TRAF3IP1: variants seen among roughly 807,000 people sequenced by gnomAD.
TRAF3IP1 encodes the protein TRAF3-interacting protein 1.
In TRAF3IP1, 53 loss-of-function variants were observed where a neutral mutation model predicts 89.9. The ratio of observed to expected loss-of-function variants is 0.59; its 90% CI spans 0.47 to 0.74. The LOEUF (loss-of-function observed/expected upper bound fraction) is 0.74. TRAF3IP1 is among the 30% of genes least tolerant of loss of function. The probability of loss-of-function intolerance (pLI) is 0.00; values close to 1 mark genes in which losing one functional copy is unlikely to be tolerated. For synonymous variants in TRAF3IP1, 311 were observed against 322.1 expected (o/e 0.97, Z 0.37); for missense variants, 806 against 866.1 (o/e 0.93, Z 0.87).
chr2:238,360,854 T>G (rs932129204), intron 15 of TRAF3IP1, among the ~76,000 whole-genome samples: 4 of 151,840 alleles, frequency 2.6e-5, no homozygotes, highest in Non-Finnish European at 5.9e-5. Context: ...CACTCCAGCC[T>G]GGGGGACAAA....
intron 7 of TRAF3IP1, among the ~76,000 whole-genome samples, chr2:238,335,710 T>C (rs1574904767): frequency 6.6e-6 from 1 of 152,088 alleles, no homozygotes; most frequent in Non-Finnish European, 1.5e-5. Context: ...ACACGTTGCG[T>C]GTACTTGGTT....
chr2:238,394,757 A>G (rs1416392487), intron 15 of TRAF3IP1, among the ~76,000 whole-genome samples: 1 of 152,224 alleles, frequency 6.6e-6, no homozygotes, highest in Non-Finnish European at 1.5e-5. Context: ...GTACTTGTCC[A>G]AGCCAGTAAA....
At chr2:238,366,041 C>T (rs569496537) in intron 15 of TRAF3IP1, among the ~76,000 whole-genome samples, 3 of 152,202 alleles carry the variant, frequency 2.0e-5, no homozygotes, top group Non-Finnish European at 2.9e-5. Flanking sequence ...GTCAGGAGAT[C>T]GAGACCATCC....
rs1412580958 is a variant in TRAF3IP1 at position 238,340,003 on chromosome 2, C to T, written c.1159+1546C>T. ...TTGGGATGGAGCCTGATGCCACCTG[C>T]TGGGGAGCAGAGTCTCCCGCTGTCC... On this transcript the variant is annotated intron_variant, in intron 8 of 16. Transcript: ENST00000373327. Among the ~76,000 whole-genome samples the T allele has an allele frequency of 2.3e-5, 3 of 130,742 alleles. No homozygotes were observed. In the East Asian group the frequency reaches 8.0e-4, roughly 35 times the overall value. 85.8% of individuals were successfully genotyped at this position (130,742 alleles called of 152,430 possible).
intron 15 of TRAF3IP1, among the ~76,000 whole-genome samples, chr2:238,372,293 C>T (rs1475059667): frequency 6.6e-6 from 1 of 152,066 alleles, no homozygotes; most frequent in Non-Finnish European, 1.5e-5. Context: ...CCTCTGCCCC[C>T]CGACAGGCCC....
chr2:238,383,495 G>A (rs1016113390), intron 15 of TRAF3IP1, among the ~76,000 whole-genome samples: 1 of 152,218 alleles, frequency 6.6e-6, no homozygotes, highest in Admixed American at 6.5e-5. Flanking sequence ...ATACACCGTG[G>A]CGTTTCCCTA....
rs1701425551 is a variant in TRAF3IP1, at chr2:238,400,702, A to T, written c.*1783A>T. The T allele has an allele frequency of 6.6e-6, 1 of 152,178 alleles. No homozygotes were observed. The highest frequency in any genetic ancestry group is 2.1e-4 in the South Asian group (1 of 4,834). 9.4% of individuals were successfully genotyped at this position (152,178 alleles called of 1,614,324 possible). A position where few individuals can be genotyped will look rare whatever the true frequency, so the allele number is the denominator to read the frequency against. ...TCAAATGACTTAGCCATGACCCTGAATGGACCTTGTTTTACTTCAAGTTGA... is the reference window on the plus strand; with the variant it reads ...TCAAATGACTTAGCCATGACCCTGATTGGACCTTGTTTTACTTCAAGTTGA... On this transcript the variant is annotated 3_prime_UTR_variant, in exon 17 of 17. Coordinates refer to ENST00000373327, the MANE Select transcript of TRAF3IP1 (RefSeq NM_015650.4).
chr2:238,344,564 G>C lies in TRAF3IP1; in HGVS notation c.1227G>C (p.Glu409Asp). ...ATAATTCAGCTAGTCTGCGGTGTGA[G>C]AATATTCAGCCCAACCCCACAGAGA... ...SDDNSASLRC[E>D]NIQPNPTEKQ... The change falls in exon 9 of 17, where the codon GAG becomes GAC. Residue 409 changes from glutamate to aspartate, a missense_variant. Transcript: ENST00000373327. The C allele has an allele frequency of 6.2e-7, 1 of 1,614,202 alleles. No homozygotes were observed. The highest frequency in any genetic ancestry group is 1.6e-4 in the Middle Eastern group (1 of 6,062).
In TRAF3IP1 at chr2:238,351,260, G is replaced by A. The variant is rs1284444026; in HGVS notation, c.1452-1567G>A. Among the ~76,000 whole-genome samples the A allele has an allele frequency of 1.3e-5, 2 of 152,136 alleles. No homozygotes were observed. The highest frequency in any genetic ancestry group is 2.4e-5 in the African/African-American group (1 of 41,394). ...TCTCAATACTTGAAATCACAAGTAA[G>A]ACAGGAGCACCGTTGGTGAGAGTGG... On this transcript the variant is annotated intron_variant, in intron 12 of 16. Transcript: ENST00000373327. The surrounding 1 kb of genome is among the most constrained non-coding windows in gnomAD (Gnocchi z 5.2).
Position 238,334,006 on chromosome 2 carries a change from C to G in TRAF3IP1, c.1034C>G (p.Ser345Ter). ...TCCAAGTCATTGACAACAAAAACATCAAAACGGCGATCCAAAAATTCAGTG... is the reference window on the plus strand; with the variant it reads ...TCCAAGTCATTGACAACAAAAACATGAAAACGGCGATCCAAAAATTCAGTG... ...RASKSLTTKT[S>*]KRRSKNSVEG... The change falls in exon 7 of 17, where the codon TCA becomes TGA. Residue 345 changes from serine to a stop codon, truncating the protein, a stop_gained. Coordinates refer to ENST00000373327, the MANE Select transcript of TRAF3IP1 (RefSeq NM_015650.4). LOFTEE classifies it high-confidence loss of function. 1 of 1,610,766 alleles carries G rather than the reference C, an allele frequency of 6.2e-7. No homozygotes were observed. Among genetic ancestry groups the G allele is most frequent in the Non-Finnish European group, 8.5e-7 (1 of 1,178,402 alleles).
At chr2:238,335,008 C>T (rs369387410) in intron 7 of TRAF3IP1, among the ~76,000 whole-genome samples, 1 of 152,180 alleles carries the variant, frequency 6.6e-6, no homozygotes, top group Non-Finnish European at 1.5e-5. Context: ...GTGTTTTGGG[C>T]GTCTCTGACC....
intron 15 of TRAF3IP1, among the ~76,000 whole-genome samples, chr2:238,373,765 G>A (rs1394931031): frequency 1.3e-5 from 2 of 152,198 alleles, no homozygotes; most frequent in African/African-American, 4.8e-5. Flanking sequence ...CTATCCATGA[G>A]CATGGAATAT....
chr2:238,397,298 G>A, intron 15 of TRAF3IP1, 161 bp from the exon 16 acceptor site: 1 of 622,722 alleles, frequency 1.6e-6, no homozygotes. Context: ...CTGTTAGGCA[G>A]CATGGCTCTC....
intron 1 of TRAF3IP1, 69 bp downstream of exon 1, chr2:238,320,854 G>A: frequency 8.2e-7 from 1 of 1,219,492 alleles, no homozygotes. Context: ...GTCAGGGCCC[G>A]GGCCGGGTGG....
chr2:238,387,084 T>C (rs1266528280), intron 15 of TRAF3IP1, among the ~76,000 whole-genome samples: 1 of 152,222 alleles, frequency 6.6e-6, no homozygotes, highest in African/African-American at 2.4e-5. Flanking sequence ...AGACAGGCGT[T>C]ACACCCATTT....
intron 15 of TRAF3IP1, 73 bp from the exon 16 acceptor site, chr2:238,397,386 C>T (rs2106386108): frequency 1.5e-6 from 2 of 1,366,654 alleles, no homozygotes; most frequent in Non-Finnish European, 2.1e-6. Context: ...TGGCCGTGTG[C>T]TGAGTGCACC....
Position 238,393,805 on chromosome 2 carries a change from A to G in TRAF3IP1, c.1690-3654A>G, listed in dbSNP as rs145870199. ...CCTTTGTCAAAGATTGCTTGGGCATATGGACATATTCGTATGGATCTACTT... is the reference window on the plus strand; with the variant it reads ...CCTTTGTCAAAGATTGCTTGGGCATGTGGACATATTCGTATGGATCTACTT... On this transcript the variant is annotated intron_variant, in intron 15 of 16. Transcript: ENST00000373327. Among the ~76,000 whole-genome samples the G allele has an allele frequency of 3.2e-3, 483 of 152,332 alleles. 1 individual carries two copies. Among genetic ancestry groups the G allele is most frequent in the Non-Finnish European group, 5.1e-3 (348 of 68,022 alleles).
At chr2:238,397,274 A>C in intron 15 of TRAF3IP1, 185 bp from the exon 16 acceptor site, 1 of 576,076 alleles carries the variant, frequency 1.7e-6, no homozygotes, top group Non-Finnish European at 3.1e-6. Flanking sequence ...GGCGTGCAGC[A>C]CTTCAGAGTT....
At chr2:238,389,839 G>A (rs1272668622) in intron 15 of TRAF3IP1, among the ~76,000 whole-genome samples, 1 of 151,884 alleles carries the variant, frequency 6.6e-6, no homozygotes, top group Admixed American at 6.6e-5. Context: ...GGTCAATAAT[G>A]TGTATTTATA....
Sources: gnomAD v4.1 joint callset for allele counts (sites outside exome capture counted in the v4.1 genomes callset) on GRCh38, gnomAD v4.1.1 for gene constraint, Gnocchi (gnomAD v3.1) non-coding constraint, MANE v1.5 for transcripts, NCBI Gene and HGNC (gene_info 2026-07-23, HGNC 2026-07-21) for gene names.